The following MAD1L1 variants were observed in gnomAD, a reference collection of about 807,000 sequenced individuals.
MAD1L1 encodes the protein mitotic spindle assembly checkpoint protein MAD1.
A neutral mutation model predicts 96.9 loss-of-function variants in MAD1L1; 95 were observed. The observed-to-expected ratio is 0.98, with a 90% CI of 0.83 to 1.16. The LOEUF (loss-of-function observed/expected upper bound fraction) is 1.16. Among genes scored for constraint, MAD1L1 ranks in the 50% most tolerant of loss-of-function variants. MAD1L1 has a pLI of 0.00. For synonymous variants in MAD1L1, 473 were observed against 396.6 expected, an observed-to-expected ratio of 1.19 and a Z score of -2.29; for missense variants, 1,007 against 954.4, an observed-to-expected ratio of 1.06 and a Z score of -0.73.
At chr7:2,141,062 G>A (rs761823998) in intron 11 of MAD1L1, among the ~76,000 whole-genome samples, 38 of 152,236 alleles carry the variant, frequency 2.5e-4, no homozygotes, top group Non-Finnish European at 4.3e-4. Flanking sequence ...AGCAGCAGGC[G>A]GAGGCACCCC....
At chr7:1,955,729 C>T (rs1779697324) in intron 16 of MAD1L1, among the ~76,000 whole-genome samples, 1 of 152,158 alleles carries the variant, frequency 6.6e-6, no homozygotes, top group East Asian at 1.9e-4. Flanking sequence ...TCTGGGGTCA[C>T]AGTCTTCCTG....
chr7:2,231,627 T>TA (rs202214013), intron 1 of MAD1L1, among the ~76,000 whole-genome samples: 14 of 149,934 alleles, frequency 9.3e-5, no homozygotes, highest in South Asian at 2.1e-4. Context: ...AATAATTAAT[T>TA]AAAAAAAAAA....
chr7:2,016,211 C>A (rs1172013631), intron 12 of MAD1L1, among the ~76,000 whole-genome samples: 1 of 152,210 alleles, frequency 6.6e-6, no homozygotes, highest in African/African-American at 2.4e-5. Context: ...GGCCCACACC[C>A]CTTCCCAACA....
chr7:1,933,400 T>TGCAGGGCACGTG (rs1435460702), intron 17 of MAD1L1, among the ~76,000 whole-genome samples: 1 of 152,222 alleles, frequency 6.6e-6, no homozygotes, highest in Non-Finnish European at 1.5e-5. Flanking sequence ...GCCCGTGTTC[T>TGCAGGGCACGTG]GCAGGGCACG....
At chr7:1,877,445 G>C (rs1029372565) in intron 18 of MAD1L1, among the ~76,000 whole-genome samples, 1 of 151,114 alleles carries the variant, frequency 6.6e-6, no homozygotes, top group African/African-American at 2.4e-5. Flanking sequence ...GCCAATGTTG[G>C]AGAAAACATG....
intron 11 of MAD1L1, among the ~76,000 whole-genome samples, chr7:2,093,131 G>A (rs1786299377): frequency 6.6e-6 from 1 of 151,314 alleles, no homozygotes; most frequent in Non-Finnish European, 1.5e-5. Context: ...TGTAACCCCA[G>A]CTACTCGGGA....
At chr7:2,143,036 A>G (rs1319279585) in intron 11 of MAD1L1, among the ~76,000 whole-genome samples, 1 of 152,116 alleles carries the variant, frequency 6.6e-6, no homozygotes, top group African/African-American at 2.4e-5. Flanking sequence ...GCTCCCAGAA[A>G]TTGTACTTTC....
At chr7:2,210,378 C>T (rs1186489449) in intron 10 of MAD1L1, among the ~76,000 whole-genome samples, 6 of 152,190 alleles carry the variant, frequency 3.9e-5, no homozygotes, top group African/African-American at 1.4e-4. Context: ...GCCAGAAATG[C>T]ACACGTTTAC....
At chr7:2,008,456 GC>G (rs1562602448) in intron 13 of MAD1L1, among the ~76,000 whole-genome samples, 1 of 152,234 alleles carries the variant, frequency 6.6e-6, no homozygotes, top group African/African-American at 2.4e-5. Flanking sequence ...CCAGGCCCTG[GC>G]CACAGCGTCC....
At chr7:2,038,857 CTATAAAAAATA>C (rs570164338) in intron 12 of MAD1L1, among the ~76,000 whole-genome samples, 1 of 152,200 alleles carries the variant, frequency 6.6e-6, no homozygotes, top group East Asian at 1.9e-4. Flanking sequence ...TCACTTGGAG[CTATAAAAAATA>C]ATACAGAGAT....
intron 17 of MAD1L1, among the ~76,000 whole-genome samples, chr7:1,908,738 C>G (rs550549025): frequency 5.3e-5 from 8 of 152,292 alleles, no homozygotes; most frequent in African/African-American, 1.7e-4. Context: ...TCCGTTCTGA[C>G]TTCTGGTCTT....
chr7:2,056,312 A>G lies in MAD1L1; in HGVS notation c.1218+12882T>C, dbSNP rs113104984. ...GTGCCGATCATGAAGCCTCAGACCTAAAGAGGGGTGTGGAGCAGAAGAGAC... is the reference window on the plus strand; with the variant it reads ...GTGCCGATCATGAAGCCTCAGACCTGAAGAGGGGTGTGGAGCAGAAGAGAC... On this transcript the variant is annotated intron_variant, in intron 12 of 18. Transcript: ENST00000265854. Among the ~76,000 whole-genome samples, 237 of 152,326 alleles carry G rather than the reference A, an allele frequency of 1.6e-3. 2 individuals are homozygous for G. The highest frequency in any genetic ancestry group is 5.5e-3 in the African/African-American group (230 of 41,574).
intron 12 of MAD1L1, among the ~76,000 whole-genome samples, chr7:2,018,568 G>A (rs1216132607): frequency 6.6e-6 from 1 of 152,242 alleles, no homozygotes; most frequent in Non-Finnish European, 1.5e-5. Flanking sequence ...TGGACACAGA[G>A]GGCTTCCCTC....
In MAD1L1 at chr7:2,176,017, C is replaced by T. The variant is rs566555761; in HGVS notation, c.987-26779G>A. Among the ~76,000 whole-genome samples the T allele has an allele frequency of 2.6e-5, 4 of 152,284 alleles. No individual in the cohort carries two copies. The South Asian group carries it at 8.3e-4, about 32-fold the overall frequency. ...GGAAAAAAGGACTATCATCAGCCAT[C>T]CTGTCTGCATTGTACATTTTCTTTA... On this transcript the variant is annotated intron_variant, in intron 10 of 18. Transcript: ENST00000265854.
intron 16 of MAD1L1, among the ~76,000 whole-genome samples, chr7:1,952,291 C>T (rs575308571): frequency 2.0e-5 from 3 of 152,346 alleles, no homozygotes; most frequent in South Asian, 2.1e-4. Flanking sequence ...GATGCTGCTC[C>T]GAGGACTGCG....
chr7:2,153,896 G>A (rs1318576739), intron 10 of MAD1L1, among the ~76,000 whole-genome samples: 5 of 152,252 alleles, frequency 3.3e-5, no homozygotes, highest in South Asian at 2.1e-4. Context: ...GGTGGCTCAC[G>A]CCTGTAATCC....
chr7:1,841,997 T>C (rs1783290483), intron 18 of MAD1L1, among the ~76,000 whole-genome samples: 1 of 152,226 alleles, frequency 6.6e-6, no homozygotes, highest in Non-Finnish European at 1.5e-5. Flanking sequence ...GCCATCTTCC[T>C]GTGGACGCCA....
At chr7:2,153,964 C>T (rs907497696) in intron 10 of MAD1L1, among the ~76,000 whole-genome samples, 4 of 151,954 alleles carry the variant, frequency 2.6e-5, no homozygotes, top group African/African-American at 4.8e-5. Context: ...GAGACCAGCC[C>T]GGCCAACATG....
At chr7:1,984,798 G>C (rs377344126) in intron 14 of MAD1L1, among the ~76,000 whole-genome samples, 35 of 152,354 alleles carry the variant, frequency 2.3e-4, no homozygotes, top group African/African-American at 8.2e-4. Flanking sequence ...AACTGGATTT[G>C]TGTCTATTTC....
Sources: gnomAD v4.1 joint callset for allele counts (sites outside exome capture counted in the v4.1 genomes callset) on GRCh38, gnomAD v4.1.1 for gene constraint, MANE v1.5 for transcripts, NCBI Gene and HGNC (gene_info 2026-07-23, HGNC 2026-07-21) for gene names.